Variants in ESRP1 observed in about 807,000 individuals in gnomAD.
ESRP1 encodes the protein epithelial splicing regulatory protein 1, also known as RNA-binding motif protein 35A.
Under a neutral mutation model 81.7 loss-of-function variants are expected in ESRP1, and 33 were observed. That is an observed-to-expected ratio of 0.40 (90% CI 0.31 to 0.54). The LOEUF is 0.54. Among genes scored for constraint, ESRP1 ranks in the 20% least tolerant of loss-of-function variants. The pLI is 0.41. For synonymous variants in ESRP1, 320 were observed against 303.3 expected (o/e 1.06, Z -0.57); for missense variants, 672 against 833.1 (o/e 0.81, Z 2.38).
intron 3 of ESRP1, 149 bp from the exon 4 acceptor site, chr8:94,646,019 C>G (rs1000980497): frequency 1.7e-5 from 9 of 525,054 alleles, no homozygotes; most frequent in African/African-American, 3.9e-5. Flanking sequence ...GAAACAGGAC[C>G]AACTTTTAAA....
chr8:94,692,656 C>T, intron 13 of ESRP1, 21 bp from the exon 14 acceptor site: 1 of 1,610,206 alleles, frequency 6.2e-7, no homozygotes, highest in African/African-American at 1.3e-5. Flanking sequence ...TATTGGTTCA[C>T]TGTGCTTTCT....
chr8:94,661,959 T>C (rs1376298697), intron 4 of ESRP1, among the ~76,000 whole-genome samples: 2 of 152,206 alleles, frequency 1.3e-5, no homozygotes, highest in Non-Finnish European at 2.9e-5. Context: ...GGATGAAATA[T>C]TCTAATTAAC....
At chr8:94,651,561 G>T (rs1339022228) in intron 4 of ESRP1, among the ~76,000 whole-genome samples, 2 of 152,092 alleles carry the variant, frequency 1.3e-5, no homozygotes, top group Admixed American at 1.3e-4. Context: ...CTTTGTAAGT[G>T]AAGTGCTATG....
intron 13 of ESRP1, among the ~76,000 whole-genome samples, chr8:94,691,278 A>G (rs1809392993): frequency 6.6e-6 from 1 of 152,220 alleles, no homozygotes; most frequent in Admixed American, 6.5e-5. Context: ...AAAAACAAAC[A>G]AACAAAAAAA....
At chr8:94,655,466 G>A (rs62523417) in intron 4 of ESRP1, among the ~76,000 whole-genome samples, 21,041 of 149,064 alleles carry the variant, frequency 0.14, 1,537 homozygotes, top group East Asian at 0.2. Flanking sequence ...TTTTTCCCCC[G>A]CATTTTATTG....
chr8:94,701,989 G>A (rs13263440), intron 15 of ESRP1, among the ~76,000 whole-genome samples: 3,960 of 152,244 alleles, frequency 0.026, 74 homozygotes, highest in Non-Finnish European at 0.038. Context: ...GAGGTGGAAG[G>A]ATGGCTTCAG....
chr8:94,643,157 G>A, intron 2 of ESRP1, 146 bp from the exon 3 acceptor site: 1 of 485,520 alleles, frequency 2.1e-6, no homozygotes, highest in Admixed American at 3.4e-5. Flanking sequence ...TCGTGGGAAA[G>A]GAGTCTGTCC....
At chr8:94,697,078 T>C in intron 15 of ESRP1, 117 bp downstream of exon 15, 2 of 680,172 alleles carry the variant, frequency 2.9e-6, no homozygotes, top group Non-Finnish European at 2.4e-6. Context: ...ATGTAAAATA[T>C]CAGATATCCT....
intron 9 of ESRP1, among the ~76,000 whole-genome samples, chr8:94,667,682 C>G (rs1819099025): frequency 1.3e-5 from 2 of 152,140 alleles, no homozygotes; most frequent in African/African-American, 4.8e-5. Flanking sequence ...GGACCTGTGC[C>G]TTTAACTACC....
Position 94,652,814 on chromosome 8 carries a change from C to T in ESRP1, c.490+6532C>T, listed in dbSNP as rs371991022. On this transcript the variant is annotated intron_variant, in intron 4 of 15. Transcript: ENST00000433389. ...GACTTCTTACTACATATGCCATGAA[C>T]GGCTCAGTGGGGAGCTTTCATCCCC... Among the ~76,000 whole-genome samples, 25 of 152,242 alleles carry T rather than the reference C, an allele frequency of 1.6e-4. No individual in the cohort carries two copies. The East Asian group carries it at 4.8e-3, about 29-fold the overall frequency.
chr8:94,690,221 C>T (rs1439433206), intron 13 of ESRP1, among the ~76,000 whole-genome samples: 2 of 150,400 alleles, frequency 1.3e-5, no homozygotes, highest in Non-Finnish European at 3.0e-5. Flanking sequence ...AGTGATCACC[C>T]ACTTTCATCT....
intron 12 of ESRP1, among the ~76,000 whole-genome samples, chr8:94,677,195 G>A (rs1563537025): frequency 6.6e-6 from 1 of 152,200 alleles, no homozygotes; most frequent in Admixed American, 6.5e-5. Context: ...CCATGGAAAT[G>A]TAGAAACTCA....
At position 94,674,439 on chromosome 8, in the gene ESRP1, G is replaced by T; in HGVS notation, c.1584G>T (p.Met528Ile). The T allele has an allele frequency of 2.5e-6, 4 of 1,613,978 alleles. No individual in the cohort carries two copies. The highest frequency in any genetic ancestry group is 3.4e-6 in the Non-Finnish European group (4 of 1,179,888). ...TCTTTCAGTGTTCAGCTGAGGAGAT[G>T]AACTTTGTGTTAATGGGGGGCACTT... is the stretch of plus-strand genomic sequence containing the variant. Reference protein sequence around the residue: ...VEVFQCSAEEMNFVLMGGTLN... With the variant: ...VEVFQCSAEEINFVLMGGTLN... Residue 528 changes from methionine (M) to isoleucine (I), a missense_variant, in exon 12 of 16, where the codon ATG becomes ATT. Physicochemically the swap from Met to Ile is conservative, Grantham distance 10. Coordinates refer to ENST00000433389, the MANE Select transcript of ESRP1 (RefSeq NM_017697.4).
chr8:94,704,047 A>T (rs2130747400), intron 15 of ESRP1, among the ~76,000 whole-genome samples: 1 of 152,342 alleles, frequency 6.6e-6, no homozygotes, highest in Admixed American at 6.5e-5. Context: ...CCACATTTAA[A>T]AGATGCATCC....
intron 9 of ESRP1, among the ~76,000 whole-genome samples, chr8:94,667,427 T>C (rs1348914055): frequency 2.9e-5 from 3 of 102,828 alleles, no homozygotes; most frequent in African/African-American, 9.7e-5. Flanking sequence ...GTTTGAACCT[T>C]TCTTAATTAA....
At chr8:94,652,941 T>A (rs1217981506) in intron 4 of ESRP1, among the ~76,000 whole-genome samples, 1 of 152,218 alleles carries the variant, frequency 6.6e-6, no homozygotes, top group East Asian at 1.9e-4. Context: ...ATGTATACAA[T>A]CATTTGAGGC....
At chr8:94,653,917 C>A (rs142057157) in intron 4 of ESRP1, among the ~76,000 whole-genome samples, 1 of 152,158 alleles carries the variant, frequency 6.6e-6, no homozygotes, top group African/African-American at 2.4e-5. Flanking sequence ...TGAGCCAAAT[C>A]GGCATGGACA....
intron 14 of ESRP1, among the ~76,000 whole-genome samples, chr8:94,696,112 G>T (rs1809596310): frequency 6.6e-6 from 1 of 152,154 alleles, no homozygotes; most frequent in Admixed American, 6.5e-5. Flanking sequence ...ACTTCATCTG[G>T]GGTGGAGGTA....
At chr8:94,658,914 T>C (rs937975184) in intron 4 of ESRP1, among the ~76,000 whole-genome samples, 1 of 152,220 alleles carries the variant, frequency 6.6e-6, no homozygotes, top group African/African-American at 2.4e-5. Context: ...ATTTTGTCTT[T>C]TTTTAAATTT....
Sources: allele counts gnomAD v4.1 joint callset (sites outside exome capture counted in the v4.1 genomes callset), GRCh38; gene constraint gnomAD v4.1.1; transcripts MANE v1.5; gene names NCBI Gene and HGNC (gene_info 2026-07-23, HGNC 2026-07-21).